The following DNAJC3 variants were observed in gnomAD, a reference collection of about 807,000 sequenced individuals.
The protein encoded by DNAJC3 is dnaJ homolog subfamily C member 3.
A neutral mutation model predicts 68.6 loss-of-function variants in DNAJC3; 38 were observed. The ratio of observed to expected loss-of-function variants is 0.55; its 90% confidence interval spans 0.43 to 0.73. The LOEUF is 0.73. DNAJC3 is among the 30% of genes least tolerant of loss of function. The probability of loss-of-function intolerance (pLI) is 0.00; values close to 1 mark genes in which losing one functional copy is unlikely to be tolerated. For synonymous variants in DNAJC3, 203 were observed against 204.0 expected (o/e 1.00, Z 0.04); for missense variants, 526 against 591.9 (o/e 0.89, Z 1.16).
intron 9 of DNAJC3, among the ~76,000 whole-genome samples, chr13:95,780,532 CT>C (rs1883420427): frequency 1.3e-5 from 2 of 152,196 alleles, no homozygotes; most frequent in African/African-American, 4.8e-5. Flanking sequence ...CCCCCTTCGT[CT>C]TAGGTTCATG....
At position 95,792,445 on chromosome 13, in the gene DNAJC3, G is replaced by A. The variant is rs1883805051; in HGVS notation, c.*1415G>A. 1 of 152,174 alleles carries A rather than the reference G, an allele frequency of 6.6e-6. No individual in the cohort carries two copies. 9.4% of individuals were successfully genotyped at this position (152,174 alleles called of 1,614,324 possible). A position where few individuals can be genotyped will look rare whatever the true frequency, so the allele number is the denominator to read the frequency against. ...ATTTTGAAGTGTTTTAACCATTAAA[G>A]GGTCTAATTTTTTTTTCTTAATGAA... is the stretch of plus-strand genomic sequence containing the variant. On this transcript the variant is annotated 3_prime_UTR_variant, in exon 12 of 12. Coordinates refer to ENST00000602402, the MANE Select transcript of DNAJC3 (RefSeq NM_006260.5).
At chr13:95,748,493 T>C (rs566344333) in intron 4 of DNAJC3, among the ~76,000 whole-genome samples, 1 of 152,210 alleles carries the variant, frequency 6.6e-6, no homozygotes, top group Non-Finnish European at 1.5e-5. Context: ...AGGATCATTA[T>C]ATTGTTTCAG....
rs966223055 is a variant in DNAJC3 at position 95,715,701 on chromosome 13, T to G, written c.193+6364T>G. On this transcript the variant is annotated intron_variant, in intron 2 of 11. Transcript: ENST00000602402. ...CGGGGTTTCACCATGTTGGCGAGGA[T>G]GGTCTCGATCTCTTGACCTGATGAT... 9.2e-5 allele frequency among the ~76,000 whole-genome samples: 14 copies of G among 151,570 alleles called. No homozygotes were observed. In the East Asian group the frequency reaches 2.0e-3, roughly 21 times the overall value.
At chr13:95,758,180 GAA>G (rs931922205) in intron 5 of DNAJC3, among the ~76,000 whole-genome samples, 2 of 152,094 alleles carry the variant, frequency 1.3e-5, no homozygotes, top group African/African-American at 4.8e-5. Flanking sequence ...AATTTCTAGA[GAA>G]TAAGGCAGAT....
chr13:95,750,297 AC>A (rs1447510003), intron 4 of DNAJC3, among the ~76,000 whole-genome samples: 11 of 150,650 alleles, frequency 7.3e-5, no homozygotes, highest in African/African-American at 9.8e-5. Context: ...CAGAAAACAA[AC>A]CCCACAGTTT....
At chr13:95,765,598 G>A (rs906725205) in intron 9 of DNAJC3, among the ~76,000 whole-genome samples, 17 of 136,980 alleles carry the variant, frequency 1.2e-4, no homozygotes, top group African/African-American at 4.5e-4. Flanking sequence ...TGGAAATGGA[G>A]TCTTGGTCTG....
chr13:95,758,530 C>T lies in DNAJC3; in HGVS notation c.546+734C>T, dbSNP rs923171119. Among the ~76,000 whole-genome samples, 6 of 150,570 alleles carry T rather than the reference C, an allele frequency of 4.0e-5. No individual in the cohort carries two copies. In the South Asian group the frequency reaches 8.4e-4, roughly 21 times the overall value. Reference sequence around the variant, plus strand: ...GTGCATGCTTGTGATCCCAGCTACTCGGGAGGCTGAGGCGCTCGAACCTGA... The same window carrying T: ...GTGCATGCTTGTGATCCCAGCTACTTGGGAGGCTGAGGCGCTCGAACCTGA... On this transcript the variant is annotated intron_variant, in intron 5 of 11. Coordinates refer to ENST00000602402, the MANE Select transcript of DNAJC3 (RefSeq NM_006260.5).
intron 9 of DNAJC3, among the ~76,000 whole-genome samples, chr13:95,769,013 A>G (rs1016723053): frequency 6.8e-6 from 1 of 147,816 alleles, no homozygotes; most frequent in African/African-American, 2.7e-5. Flanking sequence ...ATCTATATCT[A>G]TATCTATATC....
Position 95,792,689 on chromosome 13 carries a change from G to C in DNAJC3, c.*1659G>C, listed in dbSNP as rs538811777. The C allele has an allele frequency of 4.6e-5, 7 of 152,278 alleles. No homozygotes were observed. The East Asian group carries it at 1.3e-3, about 29-fold the overall frequency. The allele number at this position is 152,278 out of a possible 1,614,324, so 9.4% of individuals were successfully genotyped here. On this transcript the variant is annotated 3_prime_UTR_variant, in exon 12 of 12. Transcript: ENST00000602402. ...TACCAATAAACTTGACAACGCATTT[G>C]GAAAACTAGTGAACACCTTACAGCT...
chr13:95,731,731 G>A (rs540894817), intron 4 of DNAJC3, among the ~76,000 whole-genome samples: 17 of 152,024 alleles, frequency 1.1e-4, no homozygotes, highest in African/African-American at 3.9e-4. Context: ...GAGTGCAGTG[G>A]TGCGGACATG....
chr13:95,735,522 G>T (rs1881879444), intron 4 of DNAJC3, among the ~76,000 whole-genome samples: 1 of 149,828 alleles, frequency 6.7e-6, no homozygotes, highest in South Asian at 2.1e-4. Flanking sequence ...TCTAACTGGT[G>T]TGAGTTGGTA....
At chr13:95,726,896 A>G (rs1422781973) in intron 4 of DNAJC3, among the ~76,000 whole-genome samples, 1 of 152,254 alleles carries the variant, frequency 6.6e-6, no homozygotes, top group East Asian at 1.9e-4. Context: ...ATACTCTGTC[A>G]TCTGTGGATA....
At chr13:95,723,179 G>GT (rs938928207) in intron 2 of DNAJC3, 63 bp from the exon 3 acceptor site, 967 of 1,440,436 alleles carry the variant, frequency 6.7e-4, no homozygotes, top group Admixed American at 1.0e-3. Flanking sequence ...CAGGTGATTT[G>GT]TTTTTTTTTA....
intron 9 of DNAJC3, among the ~76,000 whole-genome samples, chr13:95,772,612 G>A (rs1883186916): frequency 6.6e-6 from 1 of 152,146 alleles, no homozygotes; most frequent in Non-Finnish European, 1.5e-5. Flanking sequence ...TTTCCTTGAT[G>A]ACTAAGGTTG....
At chr13:95,761,500 G>A (rs1200176553) in intron 7 of DNAJC3, among the ~76,000 whole-genome samples, 1 of 152,040 alleles carries the variant, frequency 6.6e-6, no homozygotes, top group Non-Finnish European at 1.5e-5. Flanking sequence ...TGCTTCACTC[G>A]GTTTCCCCCA....
intron 1 of DNAJC3, among the ~76,000 whole-genome samples, chr13:95,705,053 C>T (rs190456585): frequency 4.6e-5 from 7 of 151,982 alleles, no homozygotes; most frequent in South Asian, 2.1e-4. Context: ...GGTTTTGCCA[C>T]GTTGGCCAGG....
chr13:95,709,207 G>A lies in DNAJC3; in HGVS notation c.83-20G>A. The A allele has an allele frequency of 6.7e-7, 1 of 1,487,948 alleles. No individual in the cohort carries two copies. Among genetic ancestry groups the A allele is most frequent in the Non-Finnish European group, 9.0e-7 (1 of 1,110,194 alleles). 92.2% of individuals were successfully genotyped at this position (1,487,948 alleles called of 1,614,324 possible). On this transcript the variant is annotated intron_variant, in intron 1 of 11. Transcript: ENST00000602402. ...TTAGTTCGTGGAAAGTTAACTGATT[G>A]TTTTTAATTTTATTTTTAGGTGCTG...
intron 9 of DNAJC3, among the ~76,000 whole-genome samples, chr13:95,779,404 A>T (rs9590324): frequency 6.6e-6 from 1 of 152,120 alleles, no homozygotes; most frequent in Non-Finnish European, 1.5e-5. Context: ...GATTACAGGC[A>T]TGAGCCATCG....
At chr13:95,677,388 C>T in intron 1 of DNAJC3, 51 bp downstream of exon 1, 1 of 1,517,926 alleles carries the variant, frequency 6.6e-7, no homozygotes, top group East Asian at 2.7e-5. Context: ...ACCAGGCCCC[C>T]CGCGCTTTCC....
Sources: allele counts gnomAD v4.1 joint callset (sites outside exome capture counted in the v4.1 genomes callset), GRCh38; gene constraint gnomAD v4.1.1; transcripts MANE v1.5; gene names NCBI Gene and HGNC (gene_info 2026-07-23, HGNC 2026-07-21).